The following IFRD1 variants were observed in gnomAD, a reference collection of about 807,000 sequenced individuals.
IFRD1 encodes interferon-related developmental regulator 1.
A neutral mutation model predicts 52.9 loss-of-function variants in IFRD1; 35 were observed. The observed-to-expected ratio is 0.66, with a 90% CI of 0.51 to 0.88. The LOEUF (loss-of-function observed/expected upper bound fraction) is 0.88. IFRD1 is among the 40% of genes least tolerant of loss of function. The probability of loss-of-function intolerance (pLI) is 0.00; values close to 1 mark genes in which losing one functional copy is unlikely to be tolerated. For synonymous variants in IFRD1, 184 were observed against 188.4 expected (o/e 0.98, Z 0.19); for missense variants, 517 against 550.8 (o/e 0.94, Z 0.61).
At chr7:112,468,303 C>T (rs1438118523) in intron 9 of IFRD1, among the ~76,000 whole-genome samples, 188 bp downstream of exon 9, 2 of 150,200 alleles carry the variant, frequency 1.3e-5, no homozygotes. Flanking sequence ...AAAATTAATG[C>T]TGGTGTATAA....
intron 1 of IFRD1, chr7:112,452,284 T>A: frequency 3.3e-6 from 1 of 299,818 alleles, no homozygotes; most frequent in Non-Finnish European, 4.9e-6. Flanking sequence ...CTCCTCAGCC[T>A]CCTGTAGCTA....
chr7:112,437,490 C>T (rs766394773), intron 1 of IFRD1, among the ~76,000 whole-genome samples: 2 of 152,050 alleles, frequency 1.3e-5, no homozygotes, highest in South Asian at 2.1e-4. Context: ...ATCCCATCCA[C>T]CCCAAGAAGT....
In IFRD1 at chr7:112,450,666, T is replaced by A. The variant is rs546035152; in HGVS notation, c.-23T>A. The A allele has an allele frequency of 6.3e-7, 1 of 1,596,238 alleles. No individual in the cohort carries two copies. Among genetic ancestry groups the A allele is most frequent in the East Asian group, 2.2e-5 (1 of 44,796 alleles). ...GCTGATCCTCGCTAAGCTCCGACTC[T>A]GGGCGGCACCGGGCGTCCCACGATG... On this transcript the variant is annotated 5_prime_UTR_variant, in exon 1 of 12. Transcript: ENST00000403825.
At chr7:112,425,442 C>T (rs993349351) in intron 1 of IFRD1, among the ~76,000 whole-genome samples, 1 of 152,286 alleles carries the variant, frequency 6.6e-6, no homozygotes, top group African/African-American at 2.4e-5. Context: ...AGATTCTCTC[C>T]CTCTCCCTTC....
chr7:112,476,808 T>G lies in IFRD1; in HGVS notation c.*1289T>G, dbSNP rs1167556244. The stretch of plus-strand genomic sequence containing the variant: ...ATTTCAAATCCGTAGACTTGTTTCT[T>G]TGATACTCTTGCTGTAGGTCGCCGT... On this transcript the variant is annotated 3_prime_UTR_variant, in exon 12 of 12. Coordinates refer to ENST00000403825, the MANE Select transcript of IFRD1 (RefSeq NM_001550.4). 2 of 152,228 alleles carry G rather than the reference T, an allele frequency of 1.3e-5. No homozygotes were observed. Among genetic ancestry groups the G allele is most frequent in the Non-Finnish European group, 2.9e-5 (2 of 68,028 alleles). 9.4% of individuals were successfully genotyped at this position (152,228 alleles called of 1,614,324 possible). A position where few individuals can be genotyped will look rare whatever the true frequency, so the allele number is the denominator to read the frequency against.
At chr7:112,470,403 T>C (rs1795717849) in intron 9 of IFRD1, among the ~76,000 whole-genome samples, 1 of 152,146 alleles carries the variant, frequency 6.6e-6, no homozygotes, top group Non-Finnish European at 1.5e-5. Context: ...AGTGGAGTGA[T>C]GAGGGAAAAG....
Position 112,474,956 on chromosome 7 carries a change from CTTTA to C in IFRD1, c.1267-462_1267-459del, listed in dbSNP as rs1795857585. Among the ~76,000 whole-genome samples the C allele has an allele frequency of 2.3e-5, 3 of 131,492 alleles. No individual in the cohort carries two copies. In the South Asian group the frequency reaches 7.4e-4, roughly 32 times the overall value. The allele number at this position is 131,492 out of a possible 152,430, so 86.3% of individuals were successfully genotyped here. ...TCTTAATATGGAATAGCCATTAACT[CTTTA>C]TTTATTTATTTTTTTTGAGACGGAG... On this transcript the variant is annotated intron_variant, in intron 11 of 11. Coordinates refer to ENST00000403825, the MANE Select transcript of IFRD1 (RefSeq NM_001550.4).
intron 11 of IFRD1, among the ~76,000 whole-genome samples, chr7:112,474,171 T>G (rs988513723): frequency 6.6e-6 from 1 of 152,260 alleles, no homozygotes; most frequent in African/African-American, 2.4e-5. Flanking sequence ...TTGGGCTGTT[T>G]GCATCTTTTG....
rs1385609135 is a variant in IFRD1 at position 112,476,105 on chromosome 7, A to G, written c.*586A>G. 2 of 152,722 alleles carry G rather than the reference A, an allele frequency of 1.3e-5. No individual in the cohort carries two copies. Among genetic ancestry groups the G allele is most frequent in the Admixed American group, 1.3e-4 (2 of 15,320 alleles). The allele number at this position is 152,722 out of a possible 1,614,324, so 9.5% of individuals were successfully genotyped here. On this transcript the variant is annotated 3_prime_UTR_variant, in exon 12 of 12. Transcript: ENST00000403825. ...TATGCCAGAAAGGTTGCTAACCTTA[A>G]CATCTGAGAGCAGTAACACTGATTT...
Position 112,462,027 on chromosome 7 carries a change from G to A in IFRD1, c.645G>A (p.Leu215=). 3.1e-6 allele frequency: 5 copies of A among 1,612,754 alleles called. No homozygotes were observed. Among genetic ancestry groups the A allele is most frequent in the Non-Finnish European group, 4.2e-6 (5 of 1,179,118 alleles). ...AACTATACTCAACTCTGGAATGTTT[G>A]GAAAATATCTTCACTAAATCCTATC... The part of the protein sequence containing the change: ...ITELYSTLEC[L]ENIFTKSYLK... Residue 215 remains leucine (L), a synonymous_variant, in exon 7 of 12, where the codon TTG becomes TTA. Coordinates refer to ENST00000403825, the MANE Select transcript of IFRD1 (RefSeq NM_001550.4).
chr7:112,454,319 A>G (rs1025024104), intron 1 of IFRD1, among the ~76,000 whole-genome samples: 2 of 151,946 alleles, frequency 1.3e-5, no homozygotes, highest in Admixed American at 6.6e-5. Context: ...CAGCCTCCCA[A>G]TTAGCTGGGA....
chr7:112,454,873 T>G (rs1795249277), intron 1 of IFRD1, among the ~76,000 whole-genome samples: 1 of 144,190 alleles, frequency 6.9e-6, no homozygotes, highest in South Asian at 2.3e-4. Context: ...TTTTTTTTTT[T>G]TTTTTTTTTT....
At chr7:112,454,992 G>A (rs1795252921) in intron 1 of IFRD1, among the ~76,000 whole-genome samples, 1 of 148,606 alleles carries the variant, frequency 6.7e-6, no homozygotes, top group African/African-American at 2.5e-5. Context: ...TCAGCCTCCC[G>A]AGTAGCTGGG....
upstream of IFRD1, among the ~76,000 whole-genome samples, chr7:112,448,690 C>T (rs1368288466): frequency 6.6e-6 from 1 of 152,240 alleles, no homozygotes; most frequent in Non-Finnish European, 1.5e-5. Flanking sequence ...CATTAAATAG[C>T]ATCTTTGAGT....
At position 112,450,764 on chromosome 7, in the gene IFRD1, G is replaced by A. The variant is rs913394439; in HGVS notation, c.76G>A (p.Ala26Thr). 5 of 1,611,946 alleles carry A rather than the reference G, an allele frequency of 3.1e-6. No homozygotes were observed. The highest frequency in any genetic ancestry group is 4.2e-6 in the Non-Finnish European group (5 of 1,179,378). ...CGGCGGCGGGTCAGGAGCAGCCGCA[G>A]CGACGGCGGCGACAGCAGGTAAGGG... The part of the protein sequence containing the change: ...AGGGGSGAAA[A>T]TAATAGGQHR... The change falls in exon 1 of 12, where the codon GCG becomes ACG. Residue 26 changes from alanine (A) to threonine (T), a missense_variant. Physicochemically the swap from Ala to Thr is moderately conservative, Grantham distance 58 (BLOSUM62 0). Coordinates refer to ENST00000403825, the MANE Select transcript of IFRD1 (RefSeq NM_001550.4).
At chr7:112,475,407 G>T in intron 11 of IFRD1, 23 bp from the exon 12 acceptor site, 1 of 1,448,440 alleles carries the variant, frequency 6.9e-7, no homozygotes, top group Non-Finnish European at 9.7e-7. Context: ...ACTGATGCAC[G>T]TTTTTCCTTT....
chr7:112,438,241 G>A (rs1794762392), intron 1 of IFRD1, among the ~76,000 whole-genome samples: 1 of 152,122 alleles, frequency 6.6e-6, no homozygotes, highest in Middle Eastern at 3.2e-3. Flanking sequence ...ATAAAAAAAG[G>A]GGCCAAATTT....
At chr7:112,452,410 G>A in intron 1 of IFRD1, 4 of 952,478 alleles carry the variant, frequency 4.2e-6, no homozygotes, top group Non-Finnish European at 5.0e-6. Flanking sequence ...TCCTGCCTAA[G>A]CCTCCCACAA....
intron 5 of IFRD1, among the ~76,000 whole-genome samples, chr7:112,460,330 C>T (rs1413699657): frequency 2.0e-5 from 3 of 150,164 alleles, no homozygotes; most frequent in Non-Finnish European, 4.4e-5. Context: ...CTGCAGCCTC[C>T]ACCTCCTGGG....
Sources: allele counts gnomAD v4.1 joint callset (sites outside exome capture counted in the v4.1 genomes callset), GRCh38; gene constraint gnomAD v4.1.1; transcripts MANE v1.5; gene names NCBI Gene and HGNC (gene_info 2026-07-23, HGNC 2026-07-21).